The following MACO1 variants were observed in gnomAD, a reference collection of about 807,000 sequenced individuals.
MACO1 encodes macoilin 1.
Under a neutral mutation model 78.7 loss-of-function variants are expected in MACO1, and 14 were observed. That is an observed-to-expected ratio of 0.18 (90% CI 0.12 to 0.28). The LOEUF is 0.28. Among genes scored for constraint, MACO1 ranks in the 10% least tolerant of loss-of-function variants. MACO1 has a pLI of 1.00. For missense variants in MACO1, 501 were observed against 799.0 expected (o/e 0.63, Z 4.50); for synonymous variants, 288 against 291.6 (o/e 0.99, Z 0.12).
At chr1:25,472,802 G>A (rs1308748749) in intron 6 of MACO1, among the ~76,000 whole-genome samples, 1 of 152,154 alleles carries the variant, frequency 6.6e-6, no homozygotes, top group African/African-American at 2.4e-5. Flanking sequence ...CTCCCTGAGT[G>A]ATGGCGACCA....
Position 25,499,200 on chromosome 1 carries a change from C to T in MACO1, c.*734C>T, listed in dbSNP as rs2043564235. On this transcript the variant is annotated 3_prime_UTR_variant, in exon 11 of 11. Transcript: ENST00000374343. ...CAAGAGGAAACTTGATAATTTTAAA[C>T]TCTTTTCCCCCTTTACCGTCATCTA... The T allele has an allele frequency of 6.6e-6, 1 of 152,226 alleles. No individual in the cohort carries two copies. The highest frequency in any genetic ancestry group is 1.5e-5 in the Non-Finnish European group (1 of 68,042). 9.4% of individuals were successfully genotyped at this position (152,226 alleles called of 1,614,324 possible).
At chr1:25,434,994 A>G (rs1333414615) in intron 1 of MACO1, among the ~76,000 whole-genome samples, 1 of 152,228 alleles carries the variant, frequency 6.6e-6, no homozygotes, top group Non-Finnish European at 1.5e-5. Context: ...TACTGACTTT[A>G]TAATATAAAA....
At chr1:25,470,331 A>G (rs1358483979) in intron 6 of MACO1, among the ~76,000 whole-genome samples, 2 of 152,210 alleles carry the variant, frequency 1.3e-5, no homozygotes, top group African/African-American at 4.8e-5. Flanking sequence ...TCCTAGCTCC[A>G]GGGCAAGAGA....
At chr1:25,496,486 A>G (rs1197451156) in intron 10 of MACO1, among the ~76,000 whole-genome samples, 2 of 152,140 alleles carry the variant, frequency 1.3e-5, no homozygotes, top group Non-Finnish European at 2.9e-5. Context: ...TAAGTGTTCT[A>G]AGTGCTTTTA....
chr1:25,464,543 CT>C (rs1172251511), intron 6 of MACO1, among the ~76,000 whole-genome samples: 1 of 151,824 alleles, frequency 6.6e-6, no homozygotes, highest in African/African-American at 2.4e-5. Flanking sequence ...TGGGGTTTCG[CT>C]ATGTTGGCCA....
intron 1 of MACO1, among the ~76,000 whole-genome samples, chr1:25,439,218 A>T (rs1020922072): frequency 2.0e-5 from 3 of 152,178 alleles, no homozygotes; most frequent in Non-Finnish European, 4.4e-5. Context: ...TACCCTATTT[A>T]TTTATTTATT....
chr1:25,467,122 G>T (rs945499119), intron 6 of MACO1, among the ~76,000 whole-genome samples: 1 of 152,144 alleles, frequency 6.6e-6, no homozygotes, highest in Non-Finnish European at 1.5e-5. Context: ...GCTGGGCATG[G>T]TGGCGCACAC....
At chr1:25,448,782 T>C in intron 2 of MACO1, 26 bp from the exon 3 acceptor site, 1 of 1,503,746 alleles carries the variant, frequency 6.7e-7, no homozygotes, top group Non-Finnish European at 9.0e-7. Context: ...GATGTATCTT[T>C]TATTTTGTTT....
At chr1:25,484,094 G>A (rs766770659) in intron 6 of MACO1, 22 bp from the exon 7 acceptor site, 1 of 1,594,660 alleles carries the variant, frequency 6.3e-7, no homozygotes, top group Non-Finnish European at 8.5e-7. Context: ...AGATGAAAAT[G>A]CTGCATTTCT....
At chr1:25,478,665 TGC>T (rs2043344049) in intron 6 of MACO1, among the ~76,000 whole-genome samples, 1 of 152,212 alleles carries the variant, frequency 6.6e-6, no homozygotes. Context: ...AGAAGTTGAG[TGC>T]TATCTTTTGA....
chr1:25,449,664 T>A (rs2043047284), intron 3 of MACO1, among the ~76,000 whole-genome samples: 1 of 152,194 alleles, frequency 6.6e-6, no homozygotes. Flanking sequence ...TGCTGATTTC[T>A]TAGAGGATCT....
At chr1:25,433,722 G>A (rs900533428) in intron 1 of MACO1, among the ~76,000 whole-genome samples, 1 of 152,238 alleles carries the variant, frequency 6.6e-6, no homozygotes, top group African/African-American at 2.4e-5. Flanking sequence ...GCTTTAGGCA[G>A]ACAGGGCATC....
At chr1:25,443,961 T>C (rs1022675171) in intron 1 of MACO1, among the ~76,000 whole-genome samples, 2 of 149,658 alleles carry the variant, frequency 1.3e-5, no homozygotes, top group African/African-American at 4.9e-5. Flanking sequence ...TTTTAAGAGA[T>C]GGTGTCTTGG....
intron 10 of MACO1, 104 bp downstream of exon 10, chr1:25,491,688 T>C (rs1167385689): frequency 2.1e-6 from 2 of 931,824 alleles, no homozygotes; most frequent in Non-Finnish European, 3.2e-6. Flanking sequence ...CATTTCAGTT[T>C]TCTCTTCAAG....
chr1:25,483,343 G>A (rs183798519), intron 6 of MACO1, among the ~76,000 whole-genome samples: 2 of 152,202 alleles, frequency 1.3e-5, no homozygotes, highest in Admixed American at 6.5e-5. Flanking sequence ...GAGCCACTGC[G>A]CCTGGCCGAT....
chr1:25,497,132 G>A (rs1044158554), intron 10 of MACO1, among the ~76,000 whole-genome samples: 3 of 152,130 alleles, frequency 2.0e-5, no homozygotes, highest in Non-Finnish European at 4.4e-5. Flanking sequence ...TGTAATCCCA[G>A]CACTTTGGGA....
At chr1:25,434,672 A>T (rs769677055) in intron 1 of MACO1, among the ~76,000 whole-genome samples, 1 of 152,204 alleles carries the variant, frequency 6.6e-6, no homozygotes, top group Non-Finnish European at 1.5e-5. Flanking sequence ...TTGCCACTAT[A>T]TGAGGGAGTC....
chr1:25,498,331 C>T lies in MACO1; in HGVS notation c.1860C>T (p.Val620=), dbSNP rs141444935. The change falls in exon 11 of 11, where the codon GTC becomes GTT. Residue 620 remains valine, a synonymous_variant. Coordinates refer to ENST00000374343, the MANE Select transcript of MACO1 (RefSeq NM_018202.6). ...AGAAGATAGCCGAAGTCATGGCCGT[C>T]ATGCCCAGCATAACATACAGTGCCG... ...LKQKIAEVMA[V]MPSITYSAAT... 4.3e-5 allele frequency: 69 copies of T among 1,614,046 alleles called. No individual in the cohort carries two copies. The African/African-American group carries it at 7.7e-4, about 18-fold the overall frequency.
chr1:25,434,355 G>A (rs753289394), intron 1 of MACO1, among the ~76,000 whole-genome samples: 3 of 152,202 alleles, frequency 2.0e-5, no homozygotes, highest in Non-Finnish European at 4.4e-5. Context: ...AATAAATGTT[G>A]AGTGAGTAAA....
Sources: allele counts gnomAD v4.1 joint callset (sites outside exome capture counted in the v4.1 genomes callset), GRCh38; gene constraint gnomAD v4.1.1; transcripts MANE v1.5; gene names NCBI Gene and HGNC (gene_info 2026-07-23, HGNC 2026-07-21).